SHPRH: variants seen among roughly 807,000 people sequenced by gnomAD.
SHPRH encodes the protein SNF2 histone linker PHD RING helicase, also known as E3 ubiquitin-protein ligase SHPRH.
SHPRH carries 106 observed loss-of-function variants against 202.5 expected under a neutral mutation model. The observed-to-expected ratio is 0.52, with a 90% CI of 0.45 to 0.62. The LOEUF (loss-of-function observed/expected upper bound fraction) is 0.62, where lower values mean the gene tolerates loss of function less well. Among genes scored for constraint, SHPRH ranks in the 20% least tolerant of loss-of-function variants. The pLI is 0.00. For missense variants in SHPRH, 1,710 were observed against 2,020.0 expected (o/e 0.85, Z 2.94); for synonymous variants, 729 against 686.0 (o/e 1.06, Z -0.98).
chr6:145,884,104 T>C (rs1394607937), downstream of SHPRH: 3 of 152,218 alleles, frequency 2.0e-5, no homozygotes, highest in Admixed American at 6.5e-5. Context: ...TAACCTTGCA[T>C]TGTTAAATTC....
intron 11 of SHPRH, among the ~76,000 whole-genome samples, chr6:145,938,690 C>A (rs574331392): frequency 1.3e-5 from 2 of 152,052 alleles, no homozygotes; most frequent in Non-Finnish European, 1.5e-5. Flanking sequence ...CTTTAAAACA[C>A]CTTATTTTAT....
chr6:145,938,124 G>A (rs1786317576), intron 11 of SHPRH, among the ~76,000 whole-genome samples: 1 of 152,166 alleles, frequency 6.6e-6, no homozygotes, highest in African/African-American at 2.4e-5. Context: ...TTAAACTCCA[G>A]TGAATAATAT....
intron 21 of SHPRH, among the ~76,000 whole-genome samples, chr6:145,920,439 A>G (rs1784344458): frequency 6.6e-6 from 1 of 152,116 alleles, no homozygotes; most frequent in South Asian, 2.1e-4. Context: ...AATGATTTTG[A>G]TGTTATAAAT....
intron 2 of SHPRH, among the ~76,000 whole-genome samples, chr6:145,954,091 T>C (rs764398868): frequency 4.0e-5 from 6 of 151,562 alleles, no homozygotes; most frequent in Admixed American, 6.6e-5. Context: ...TTAAATGCTA[T>C]ACTAAATATT....
At chr6:145,918,083 T>G in intron 23 of SHPRH, 48 bp downstream of exon 23, 1 of 1,449,830 alleles carries the variant, frequency 6.9e-7, no homozygotes, top group Admixed American at 2.0e-5. Context: ...CTAAAGTGGT[T>G]TATGATAATG....
Position 145,945,430 on chromosome 6 carries a change from A to C in SHPRH, c.1529T>G (p.Leu510Trp). 6.2e-7 allele frequency: 1 copy of C among 1,612,794 alleles called. No homozygotes were observed. Among genetic ancestry groups the C allele is most frequent in the Non-Finnish European group, 8.5e-7 (1 of 1,179,402 alleles). The stretch of plus-strand genomic sequence containing the variant: ...ATCCTCTTCCTTGTAATTCTTTCCC[A>C]ATGTAAAAGTCCCAGAAAAACCATG... ...KGHGFSGTFT[L>W]GKNYKEEDIC... The change falls in exon 8 of 30, where the codon TTG (leucine) becomes TGG (tryptophan). Residue 510 changes from leucine (L) to tryptophan (W), a missense_variant. By Grantham distance (61) the Leu-to-Trp change is moderately conservative (BLOSUM62 -2). Transcript: ENST00000275233.
chr6:145,964,222 C>A lies in SHPRH; in HGVS notation c.-524G>T, dbSNP rs936490529. On this transcript the variant is annotated 5_prime_UTR_variant, in exon 1 of 30. Transcript: ENST00000275233. ...GGCCTGCGCTCCTCTACAGACCCAG[C>A]AGATCACGGGCACGCATTCGCCACC... 4 of 152,434 alleles carry A rather than the reference C, an allele frequency of 2.6e-5. No individual in the cohort carries two copies. Among genetic ancestry groups the A allele is most frequent in the Admixed American group, 2.6e-4 (4 of 15,286 alleles). 9.4% of individuals were successfully genotyped at this position (152,434 alleles called of 1,614,324 possible).
intron 9 of SHPRH, among the ~76,000 whole-genome samples, chr6:145,942,795 T>A (rs1281309790): frequency 3.3e-5 from 5 of 152,200 alleles, no homozygotes; most frequent in Non-Finnish European, 7.3e-5. Context: ...GCAGATCAGA[T>A]AAGTAGCTCC....
chr6:145,886,729 C>T lies in SHPRH; in HGVS notation c.5014G>A (p.Ala1672Thr). ...TCAGTTTCTTTGGTAAATAGGTCTG[C>T]CAGGTCAGCCACAGTCAAGACAGAG... Reference protein sequence around the residue: ...EASVLTVADLADLFTKETEEL... With the variant: ...EASVLTVADLTDLFTKETEEL... Residue 1672 changes from alanine to threonine, a missense_variant, in exon 30 of 30, where the codon GCA (alanine) becomes ACA (threonine). By Grantham distance (58) the Ala-to-Thr change is moderately conservative. Transcript: ENST00000275233. The T allele has an allele frequency of 6.2e-7, 1 of 1,613,682 alleles. No homozygotes were observed. The highest frequency in any genetic ancestry group is 8.5e-7 in the Non-Finnish European group (1 of 1,179,754).
chr6:145,873,365 C>A (rs1780143046), intron 2 of SHPRH, among the ~76,000 whole-genome samples: 1 of 151,850 alleles, frequency 6.6e-6, no homozygotes, highest in African/African-American at 2.4e-5. Flanking sequence ...TTGCCTTGAA[C>A]AAGAAAAAAG....
intron 13 of SHPRH, among the ~76,000 whole-genome samples, chr6:145,934,532 T>C (rs1218393961): frequency 7.5e-6 from 1 of 132,552 alleles, no homozygotes; most frequent in Non-Finnish European, 1.7e-5. Context: ...TGTAGCAGTG[T>C]GCACTTGTAG....
chr6:145,903,247 A>C (rs1027985962), intron 25 of SHPRH: 12 of 151,864 alleles, frequency 7.9e-5, no homozygotes, highest in African/African-American at 2.9e-4. Flanking sequence ...TTTCATAATC[A>C]GTTTTTTTCA....
At chr6:145,943,037 T>C (rs1413737630) in intron 9 of SHPRH, 106 bp downstream of exon 9, 22 of 1,289,400 alleles carry the variant, frequency 1.7e-5, no homozygotes, top group Non-Finnish European at 2.2e-5. Context: ...ATTAAATCAT[T>C]CAGTTAGTTT....
At chr6:145,868,908 T>A (rs542166260) in intron 2 of SHPRH, among the ~76,000 whole-genome samples, 1 of 152,302 alleles carries the variant, frequency 6.6e-6, no homozygotes, top group South Asian at 2.1e-4. Flanking sequence ...TTATTATTCT[T>A]AAATAATAAT....
Position 145,952,385 on chromosome 6 carries a change from T to C in SHPRH, c.727A>G (p.Lys243Glu), listed in dbSNP as rs1788068043. The C allele has an allele frequency of 1.2e-6, 2 of 1,607,816 alleles. No homozygotes were observed. ...GAATTGTGTAACTTTTCCATTACTT[T>C]CTTCATGAGCTGATTGAACTTTTTC... is the stretch of plus-strand genomic sequence containing the variant. ...RMKKFNQLMKKVMEKLHNSII... is the reference protein window; with the variant it reads ...RMKKFNQLMKEVMEKLHNSII... Residue 243 changes from lysine (K) to glutamate (E), a missense_variant, in exon 3 of 30, where the codon AAA becomes GAA. Around this residue, in one of 8 missense-constraint regions of SHPRH, gnomAD observed 459 missense variants for 426.5 expected, o/e 1.08. Coordinates refer to ENST00000275233, the MANE Select transcript of SHPRH (RefSeq NM_001042683.3).
In SHPRH at chr6:145,946,264, T is replaced by C. The variant is rs1787363236; in HGVS notation, c.1290A>G (p.Glu430=). The C allele has an allele frequency of 6.2e-7, 1 of 1,609,454 alleles. No individual in the cohort carries two copies. Among genetic ancestry groups the C allele is most frequent in the African/African-American group, 1.3e-5 (1 of 74,840 alleles). Residue 430 remains glutamate, a synonymous_variant, in exon 7 of 30, where the codon GAA becomes GAG. Coordinates refer to ENST00000275233, the MANE Select transcript of SHPRH (RefSeq NM_001042683.3). ...KLKKTEIQNI[E]FEPKEKVQCP... ...ATTGAACTTTTTCTTTTGGTTCAAA[T>C]TCGATATTCTGGATTTCTGTCTTTT...
At chr6:145,860,586 C>T (rs556416823), downstream of SHPRH, among the ~76,000 whole-genome samples, 4 of 151,982 alleles carry the variant, frequency 2.6e-5, no homozygotes, top group Non-Finnish European at 5.9e-5. Context: ...AAACAATCTA[C>T]AGATTCAATG....
At chr6:145,936,271 A>C (rs534785223) in intron 11 of SHPRH, among the ~76,000 whole-genome samples, 277 of 152,286 alleles carry the variant, frequency 1.8e-3, no homozygotes, top group Middle Eastern at 3.4e-3. Context: ...AATAAGCTCA[A>C]ATATATAAAC....
At position 145,926,197 on chromosome 6, in the gene SHPRH, T is replaced by A; in HGVS notation, c.3294+7A>T. ...ACTTTTATAGACAGAATGAAAAAAATAATTACCTCTTCCTCAAGTCGGCCA... is the reference window on the plus strand; with the variant it reads ...ACTTTTATAGACAGAATGAAAAAAAAAATTACCTCTTCCTCAAGTCGGCCA... On this transcript the variant is annotated splice_region_variant and intron_variant, in intron 16 of 29. Transcript: ENST00000275233. 6.2e-7 allele frequency: 1 copy of A among 1,611,784 alleles called. No individual in the cohort carries two copies. Among genetic ancestry groups the A allele is most frequent in the Non-Finnish European group, 8.5e-7 (1 of 1,178,522 alleles).
Sources: gnomAD v4.1 joint callset for allele counts (sites outside exome capture counted in the v4.1 genomes callset) on GRCh38, gnomAD v4.1.1 for gene constraint, gnomAD v4.1.1 regional missense constraint, MANE v1.5 for transcripts, NCBI Gene and HGNC (gene_info 2026-07-23, HGNC 2026-07-21) for gene names.